GARRE1: variants seen among roughly 807,000 people sequenced by gnomAD.
The protein encoded by GARRE1 is granule associated Rac and RHOG effector 1.
Under a neutral mutation model 103.2 loss-of-function variants are expected in GARRE1, and 49 were observed. That is an observed-to-expected ratio of 0.47 (90% CI 0.38 to 0.60). The LOEUF is 0.60. Ranked by LOEUF, GARRE1 falls within the 20% of genes least tolerant of loss-of-function variation. GARRE1 has a pLI of 0.00. For synonymous variants in GARRE1, 505 were observed against 532.8 expected (o/e 0.95, Z 0.72); for missense variants, 1,199 against 1,370.5 (o/e 0.87, Z 1.98).
intron 3 of GARRE1, 42 bp downstream of exon 3, chr19:34,320,158 G>T (rs986287470): frequency 1.3e-6 from 2 of 1,557,664 alleles, no homozygotes; most frequent in Admixed American, 1.7e-5. Flanking sequence ...TGTTCAAATA[G>T]GAGAGGCTCC....
intron 10 of GARRE1, among the ~76,000 whole-genome samples, chr19:34,347,626 C>A (rs77640984): frequency 0.031 from 4,687 of 152,266 alleles, 240 homozygotes; most frequent in African/African-American, 0.11. Flanking sequence ...CACACTTAGC[C>A]TGCCTCTATC....
intron 1 of GARRE1, among the ~76,000 whole-genome samples, chr19:34,272,176 A>C (rs1253750406): frequency 1.3e-5 from 2 of 152,216 alleles, no homozygotes; most frequent in Non-Finnish European, 2.9e-5. Context: ...CAAGCAAGGC[A>C]GTAAATATAG....
chr19:34,302,574 G>A (rs1056184833), intron 2 of GARRE1, among the ~76,000 whole-genome samples: 3 of 152,068 alleles, frequency 2.0e-5, no homozygotes, highest in African/African-American at 7.2e-5. Context: ...GATTACAGGT[G>A]TGAGCCACCC....
intron 1 of GARRE1, among the ~76,000 whole-genome samples, chr19:34,265,300 T>A (rs2073745126): frequency 6.6e-6 from 1 of 152,142 alleles, no homozygotes; most frequent in African/African-American, 2.4e-5. Flanking sequence ...TGCCGCAGGC[T>A]CTGGTGACCT....
chr19:34,296,542 G>T, intron 1 of GARRE1: 1 of 1,594,734 alleles, frequency 6.3e-7, no homozygotes, highest in Non-Finnish European at 8.5e-7. Context: ...GCCTCGGCAC[G>T]TGCACTCATG....
At chr19:34,254,954 G>A (rs932773718) in intron 1 of GARRE1, among the ~76,000 whole-genome samples, 1 of 151,564 alleles carries the variant, frequency 6.6e-6, no homozygotes, top group East Asian at 1.9e-4. Context: ...ACGCTCCCTC[G>A]GTTCGCCGGG....
In GARRE1 at chr19:34,274,225, G is replaced by A. The variant is rs937537661; in HGVS notation, c.-796+19611G>A. Among the ~76,000 whole-genome samples the A allele has an allele frequency of 3.3e-5, 5 of 152,046 alleles. No homozygotes were observed. The South Asian group carries it at 6.2e-4, about 19-fold the overall frequency. On this transcript the variant is annotated intron_variant, in intron 1 of 13. Transcript: ENST00000299505. ...GTTCGAGATCAGCCTGACCAATATG[G>A]AGAAACCCCGTCTGTACTAAAAATA...
chr19:34,295,432 G>C lies in GARRE1; in HGVS notation c.-795-4247G>C, dbSNP rs559647856. The stretch of plus-strand genomic sequence containing the variant: ...TATGTAGTAGAGAATTTTGGTCAGG[G>C]AAAGTCCTTATTCTGCCATTTTTGA... On this transcript the variant is annotated intron_variant, in intron 1 of 13. Transcript: ENST00000299505. 6.6e-5 allele frequency among the ~76,000 whole-genome samples: 10 copies of C among 152,162 alleles called. No individual in the cohort carries two copies. The South Asian group carries it at 2.1e-3, about 32-fold the overall frequency.
chr19:34,270,164 G>A (rs1408416705), intron 1 of GARRE1, among the ~76,000 whole-genome samples: 3 of 152,326 alleles, frequency 2.0e-5, no homozygotes, highest in East Asian at 1.9e-4. Context: ...GAAATGAGGC[G>A]GCTCCTGGCT....
chr19:34,328,527 TAA>T (rs71165650), intron 6 of GARRE1, among the ~76,000 whole-genome samples: 14,556 of 143,104 alleles, frequency 0.1, 1,100 homozygotes, highest in African/African-American at 0.21. Flanking sequence ...AACTCTGTCT[TAA>T]AAAAAAAAAA....
At chr19:34,348,301 C>G (rs1488092530) in intron 11 of GARRE1, 2 of 323,590 alleles carry the variant, frequency 6.2e-6, no homozygotes, top group Non-Finnish European at 1.1e-5. Context: ...ACTCTTCAGC[C>G]CTAGACAAGG....
At chr19:34,262,099 C>T (rs1442200147) in intron 1 of GARRE1, among the ~76,000 whole-genome samples, 1 of 151,950 alleles carries the variant, frequency 6.6e-6, no homozygotes, top group Non-Finnish European at 1.5e-5. Flanking sequence ...ATTCTTCTGC[C>T]TCAGCCTCCC....
intron 1 of GARRE1, among the ~76,000 whole-genome samples, chr19:34,288,704 G>A (rs893141283): frequency 1.3e-5 from 2 of 152,244 alleles, no homozygotes; most frequent in Non-Finnish European, 2.9e-5. Context: ...ACTTTCAGTG[G>A]GAAGTATTAA....
At chr19:34,294,970 G>A (rs1318604724) in intron 1 of GARRE1, among the ~76,000 whole-genome samples, 1 of 152,126 alleles carries the variant, frequency 6.6e-6, no homozygotes, top group Admixed American at 6.5e-5. Context: ...AGCCACTGTG[G>A]CCAGCCAACT....
intron 2 of GARRE1, 88 bp from the exon 3 acceptor site, chr19:34,319,819 T>C (rs1181153417): frequency 1.4e-5 from 15 of 1,072,408 alleles, no homozygotes; most frequent in Non-Finnish European, 2.2e-5. Flanking sequence ...TAACTATTGC[T>C]TCTATTCAAG....
In GARRE1 at chr19:34,348,981, G is replaced by T. The variant is rs765549007; in HGVS notation, c.2688-35G>T. On this transcript the variant is annotated intron_variant, in intron 11 of 13. Transcript: ENST00000299505. The stretch of plus-strand genomic sequence containing the variant: ...GGGGTGGCGGGTGGTGGGGCTGCAG[G>T]AGGCCCTGGCCCAGCTTCTCTCTCT... The T allele has an allele frequency of 6.2e-6, 10 of 1,604,834 alleles. No individual in the cohort carries two copies. The Admixed American group carries it at 1.7e-4, about 27-fold the overall frequency.
intron 1 of GARRE1, among the ~76,000 whole-genome samples, chr19:34,291,274 A>G (rs1424553863): frequency 6.6e-6 from 1 of 152,162 alleles, no homozygotes; most frequent in East Asian, 1.9e-4. Context: ...GTCAGGAACC[A>G]CGTGCACACT....
chr19:34,279,332 G>A (rs187338618), intron 1 of GARRE1, among the ~76,000 whole-genome samples: 4 of 152,072 alleles, frequency 2.6e-5, no homozygotes, highest in South Asian at 2.1e-4. Context: ...ACAGTGTCTC[G>A]CTCTCCGTCC....
intron 8 of GARRE1, among the ~76,000 whole-genome samples, chr19:34,336,271 G>T (rs563796019): frequency 6.6e-6 from 1 of 152,278 alleles, no homozygotes; most frequent in South Asian, 2.1e-4. Flanking sequence ...GATTGCAGGC[G>T]TGAGCTACTG....
Sources: allele counts gnomAD v4.1 joint callset (sites outside exome capture counted in the v4.1 genomes callset), GRCh38; gene constraint gnomAD v4.1.1; transcripts MANE v1.5; gene names NCBI Gene and HGNC (gene_info 2026-07-23, HGNC 2026-07-21).